Variants in PLXNA4 observed in about 807,000 individuals in gnomAD.
The protein encoded by PLXNA4 is plexin A4.
In PLXNA4, 44 loss-of-function variants were observed where a neutral mutation model predicts 191.8. The ratio of observed to expected loss-of-function variants is 0.23; its 90% confidence interval spans 0.18 to 0.29. The LOEUF is 0.29. Among genes scored for constraint, PLXNA4 ranks in the 10% least tolerant of loss-of-function variants. PLXNA4 has a pLI of 1.00. For missense variants in PLXNA4, 1,800 were observed against 2,488.8 expected (o/e 0.72, Z 5.89); for synonymous variants, 1,082 against 1,009.5 (o/e 1.07, Z -1.36).
At chr7:132,213,745 G>A (rs892838213) in intron 9 of PLXNA4, among the ~76,000 whole-genome samples, 1 of 152,150 alleles carries the variant, frequency 6.6e-6, no homozygotes, top group African/African-American at 2.4e-5. Flanking sequence ...CCCTCCCTCT[G>A]CCTGAGCCCT....
chr7:132,594,980 G>C (rs1410506533), intron 2 of PLXNA4, among the ~76,000 whole-genome samples: 2 of 29,852 alleles, frequency 6.7e-5, no homozygotes, highest in Admixed American at 9.3e-4. Flanking sequence ...ATAGATAATA[G>C]ATAGATAGAT....
intron 3 of PLXNA4, among the ~76,000 whole-genome samples, chr7:132,416,113 A>G (rs1563086338): frequency 6.6e-6 from 1 of 152,224 alleles, no homozygotes; most frequent in South Asian, 2.1e-4. Context: ...TAGTGCAGAT[A>G]TGAATATTGC....
chr7:132,231,902 G>A (rs1012181456), intron 5 of PLXNA4, among the ~76,000 whole-genome samples: 9 of 152,206 alleles, frequency 5.9e-5, no homozygotes, highest in African/African-American at 2.2e-4. Context: ...TTGTCAAAGG[G>A]TATTGAGAAC....
intron 3 of PLXNA4, among the ~76,000 whole-genome samples, chr7:132,314,276 C>G (rs1318789117): frequency 6.6e-6 from 1 of 152,172 alleles, no homozygotes; most frequent in African/African-American, 2.4e-5. Context: ...TTTCCAAAGT[C>G]TATGTCAAAT....
intron 4 of PLXNA4, among the ~76,000 whole-genome samples, chr7:132,251,763 T>TG (rs1019945815): frequency 6.6e-6 from 1 of 152,192 alleles, no homozygotes; most frequent in African/African-American, 2.4e-5. Flanking sequence ...CACACACCTA[T>TG]GGGGGGCAGA....
intron 3 of PLXNA4, among the ~76,000 whole-genome samples, chr7:132,383,067 A>G (rs1585060615): frequency 6.6e-6 from 1 of 152,272 alleles, no homozygotes; most frequent in East Asian, 1.9e-4. Flanking sequence ...GAAACCCTTA[A>G]TACATTCCTG....
At chr7:132,387,290 G>C (rs946685951) in intron 3 of PLXNA4, among the ~76,000 whole-genome samples, 1 of 152,220 alleles carries the variant, frequency 6.6e-6, no homozygotes, top group African/African-American at 2.4e-5. Flanking sequence ...CAGGCAATTT[G>C]TATGCATGTG....
intron 3 of PLXNA4, among the ~76,000 whole-genome samples, chr7:132,393,984 CTT>C (rs768881083): frequency 5.8e-5 from 8 of 137,562 alleles, no homozygotes; most frequent in African/African-American, 1.3e-4. Context: ...ACCCCACCCT[CTT>C]TTTTTTTTTT....
At chr7:132,479,750 A>C (rs1179797991) in intron 3 of PLXNA4, among the ~76,000 whole-genome samples, 1 of 152,054 alleles carries the variant, frequency 6.6e-6, no homozygotes, top group Admixed American at 6.6e-5. Context: ...CCTGGGTTCA[A>C]GCGATTCTCC....
chr7:132,427,386 C>T (rs542278489), intron 3 of PLXNA4, among the ~76,000 whole-genome samples: 1 of 152,114 alleles, frequency 6.6e-6, no homozygotes, highest in African/African-American at 2.4e-5. Flanking sequence ...CCCATCAGAG[C>T]CCCTCACACT....
Position 132,223,508 on chromosome 7 carries a change from C to T in PLXNA4, c.2097+19G>A. 4 of 1,595,602 alleles carry T rather than the reference C, an allele frequency of 2.5e-6. No homozygotes were observed. Among genetic ancestry groups the T allele is most frequent in the Non-Finnish European group, 3.4e-6 (4 of 1,166,870 alleles). On this transcript the variant is annotated intron_variant, in intron 9 of 31. Coordinates refer to ENST00000321063, the MANE Select transcript of PLXNA4 (RefSeq NM_020911.2). ...CTCACAACAAGAGACACTCACCACT[C>T]TGGCTGCCAGGGACCTACCTCGGGC...
chr7:132,409,016 C>T (rs1481121750), intron 3 of PLXNA4, among the ~76,000 whole-genome samples: 2 of 152,178 alleles, frequency 1.3e-5, no homozygotes, highest in Non-Finnish European at 2.9e-5. Context: ...AGCAGCGAAA[C>T]TATGCTACAA....
chr7:132,620,474 T>C (rs958139981), intron 2 of PLXNA4, among the ~76,000 whole-genome samples: 3 of 152,228 alleles, frequency 2.0e-5, no homozygotes, highest in Admixed American at 6.5e-5. Flanking sequence ...AACTAGTGCA[T>C]TGAGGATGCT....
chr7:132,517,396 A>G lies in PLXNA4; in HGVS notation c.-86-8617T>C, dbSNP rs559655322. Among the ~76,000 whole-genome samples, 7 of 152,356 alleles carry G rather than the reference A, an allele frequency of 4.6e-5. No homozygotes were observed. In the South Asian group the frequency reaches 1.2e-3, roughly 27 times the overall value. ...TGGATAAAGAGGACCCTGAGGCCCT[A>G]TAGGATGGTGGAGCCTCAAGATGAA... On this transcript the variant is annotated intron_variant, in intron 1 of 31. Transcript: ENST00000321063.
intron 5 of PLXNA4, among the ~76,000 whole-genome samples, chr7:132,236,448 G>A (rs987350823): frequency 1.3e-5 from 2 of 152,110 alleles, no homozygotes; most frequent in Admixed American, 6.5e-5. Flanking sequence ...TTTTCCTGCC[G>A]TCCTGGTCTT....
intron 1 of PLXNA4, among the ~76,000 whole-genome samples, chr7:132,552,231 C>G (rs1406144331): frequency 6.6e-6 from 1 of 152,176 alleles, no homozygotes; most frequent in Non-Finnish European, 1.5e-5. Flanking sequence ...AGGATCACAG[C>G]TGGCAGAGTT....
rs1220521810 is a variant in PLXNA4, at chr7:132,125,634, G to C, written c.*4845C>G. On this transcript the variant is annotated 3_prime_UTR_variant, in exon 32 of 32. Transcript: ENST00000321063. ...TTTTGTTTTGTTTTTTTTAAAGGAA[G>C]AGGCTGAGGGTTCAAGGCCTCCCAG... 1 of 152,072 alleles carries C rather than the reference G, an allele frequency of 6.6e-6. No homozygotes were observed. The highest frequency in any genetic ancestry group is 1.5e-5 in the Non-Finnish European group (1 of 68,020). 9.4% of individuals were successfully genotyped at this position (152,072 alleles called of 1,614,324 possible).
At chr7:132,234,329 G>A (rs972183798) in intron 5 of PLXNA4, among the ~76,000 whole-genome samples, 3 of 152,188 alleles carry the variant, frequency 2.0e-5, no homozygotes, top group Non-Finnish European at 4.4e-5. Context: ...TGGTGCAGGG[G>A]AGCACTTTGC....
At chr7:132,546,272 C>T (rs914879040) in intron 1 of PLXNA4, among the ~76,000 whole-genome samples, 2 of 152,160 alleles carry the variant, frequency 1.3e-5, no homozygotes, top group African/African-American at 4.8e-5. Context: ...TCCAGGACCA[C>T]AAAAAATGCA....
Sources: gnomAD v4.1 joint callset for allele counts (sites outside exome capture counted in the v4.1 genomes callset) on GRCh38, gnomAD v4.1.1 for gene constraint, MANE v1.5 for transcripts, NCBI Gene and HGNC (gene_info 2026-07-23, HGNC 2026-07-21) for gene names.